The following FAM184B variants were observed in gnomAD, a reference collection of about 807,000 sequenced individuals.
The protein encoded by FAM184B is protein FAM184B.
Under a neutral mutation model 135.9 loss-of-function variants are expected in FAM184B, and 111 were observed. The ratio of observed to expected loss-of-function variants is 0.82; its 90% CI spans 0.70 to 0.96. The LOEUF is 0.96. Among genes scored for constraint, FAM184B ranks in the 40% least tolerant of loss-of-function variants. The pLI is 0.00. For synonymous variants in FAM184B, 552 were observed against 524.8 expected, an observed-to-expected ratio of 1.05 and a Z score of -0.71; for missense variants, 1,375 against 1,323.9, an observed-to-expected ratio of 1.04 and a Z score of -0.60.
At position 17,630,513 on chromosome 4, in the gene FAM184B, G is replaced by C. The variant is rs766789611; in HGVS notation, c.*2019C>G. 6.6e-6 allele frequency: 1 copy of C among 152,188 alleles called. No individual in the cohort carries two copies. The highest frequency in any genetic ancestry group is 1.5e-5 in the Non-Finnish European group (1 of 68,040). The allele number at this position is 152,188 out of a possible 1,614,324, so 9.4% of individuals were successfully genotyped here. The stretch of plus-strand genomic sequence containing the variant: ...CATATCTGCTGGTGCCTTGATCTTG[G>C]ACTTAGCCTCTAGGACTGTGAGTGA... On this transcript the variant is annotated 3_prime_UTR_variant, in exon 18 of 18. Coordinates refer to ENST00000265018, the MANE Select transcript of FAM184B (RefSeq NM_015688.2).
chr4:17,741,751 T>G (rs1718040453), intron 1 of FAM184B, among the ~76,000 whole-genome samples: 1 of 151,990 alleles, frequency 6.6e-6, no homozygotes, highest in Non-Finnish European at 1.5e-5. Flanking sequence ...GACATGGACA[T>G]AAACCCGGAG....
intron 1 of FAM184B, among the ~76,000 whole-genome samples, chr4:17,716,056 C>CCTCAGAAAGAGGCAT (rs1439965586): frequency 1.3e-5 from 2 of 152,102 alleles, no homozygotes; most frequent in African/African-American, 4.8e-5. Flanking sequence ...AATACAGGAG[C>CCTCAGAAAGAGGCAT]CTCAGAAAGA....
At chr4:17,641,470 T>A (rs1715309723) in intron 13 of FAM184B, among the ~76,000 whole-genome samples, 2 of 19,174 alleles carry the variant, frequency 1.0e-4, no homozygotes, top group Non-Finnish European at 2.5e-4. Context: ...TCTTTTTTTT[T>A]TTTTTTTTTT....
intron 5 of FAM184B, among the ~76,000 whole-genome samples, chr4:17,698,515 T>C (rs569603571): frequency 5.9e-4 from 90 of 152,310 alleles, no homozygotes; most frequent in African/African-American, 1.9e-3. Flanking sequence ...AAGTTAATTA[T>C]TTGGTATATA....
intron 1 of FAM184B, among the ~76,000 whole-genome samples, chr4:17,739,675 G>A (rs927682598): frequency 2.1e-5 from 3 of 144,526 alleles, no homozygotes; most frequent in East Asian, 2.1e-4. Flanking sequence ...CTGCCTCAGC[G>A]TCCTGACTAG....
At chr4:17,733,024 G>A (rs1180445288) in intron 1 of FAM184B, among the ~76,000 whole-genome samples, 1 of 152,134 alleles carries the variant, frequency 6.6e-6, no homozygotes, top group East Asian at 1.9e-4. Flanking sequence ...ATGCAAGGCT[G>A]GTTCAACATA....
chr4:17,703,888 G>T (rs1194107001), intron 5 of FAM184B, among the ~76,000 whole-genome samples: 1 of 148,912 alleles, frequency 6.7e-6, no homozygotes, highest in Non-Finnish European at 1.5e-5. Context: ...CCGAGATTGC[G>T]TCACTGCACT....
intron 1 of FAM184B, among the ~76,000 whole-genome samples, chr4:17,715,961 CAG>C (rs1717394175): frequency 6.6e-6 from 1 of 152,056 alleles, no homozygotes; most frequent in Non-Finnish European, 1.5e-5. Context: ...CCATTTCTGC[CAG>C]TAAGCCTGAA....
chr4:17,652,527 C>T (rs1188734342), intron 11 of FAM184B, among the ~76,000 whole-genome samples: 1 of 152,214 alleles, frequency 6.6e-6, no homozygotes, highest in African/African-American at 2.4e-5. Context: ...AGTAAGCCAT[C>T]CCAGGTTTCA....
rs529513958 is a variant in FAM184B at position 17,681,252 on chromosome 4, G to A, written c.1596+7172C>T. Among the ~76,000 whole-genome samples the A allele has an allele frequency of 7.2e-5, 11 of 152,324 alleles. No individual in the cohort carries two copies. The East Asian group carries it at 2.1e-3, about 29-fold the overall frequency. The stretch of plus-strand genomic sequence containing the variant: ...TCATAGGGTGGTTTGTGGACTGTGT[G>A]AAGTCCTATGGGTTTGCCATTATGA... On this transcript the variant is annotated intron_variant, in intron 7 of 17. Transcript: ENST00000265018.
intron 4 of FAM184B, 52 bp downstream of exon 4, chr4:17,705,700 A>T: frequency 6.5e-7 from 1 of 1,544,886 alleles, no homozygotes; most frequent in Non-Finnish European, 8.7e-7. Flanking sequence ...CTTATAATAG[A>T]TAGCAAAGCT....
Position 17,718,750 on chromosome 4 carries a change from G to A in FAM184B, c.142-9106C>T, listed in dbSNP as rs79756225. On this transcript the variant is annotated intron_variant, in intron 1 of 17. Transcript: ENST00000265018. ...CGGGTCCCAGAATGAGAGACACAGA[G>A]CAGGCTGGACCCCACCCCAGAGTGT... is the stretch of plus-strand genomic sequence containing the variant. Among the ~76,000 whole-genome samples, 1,158 of 152,358 alleles carry A rather than the reference G, an allele frequency of 7.6e-3. 14 individuals are homozygous for A. Among genetic ancestry groups the A allele is most frequent in the African/African-American group, 0.027 (1,104 of 41,580 alleles).
At chr4:17,652,689 T>C in intron 11 of FAM184B, 141 bp downstream of exon 11, 1 of 1,004,096 alleles carries the variant, frequency 1.0e-6, no homozygotes, top group Non-Finnish European at 1.4e-6. Flanking sequence ...CCTGGAGCCC[T>C]GGCCTGTGAG....
At chr4:17,683,201 C>T (rs1454718115) in intron 7 of FAM184B, among the ~76,000 whole-genome samples, 1 of 152,220 alleles carries the variant, frequency 6.6e-6, no homozygotes, top group African/African-American at 2.4e-5. Context: ...AGTTTTGTAA[C>T]TTGCTGTGTT....
At position 17,658,106 on chromosome 4, in the gene FAM184B, G is replaced by A. The variant is rs561199546; in HGVS notation, c.2037+244C>T. ...CAAGGTCGCAAGCAGGTGGGGAAACGTAGCACAAGAAGCCCAGCAGACCTA... is the reference window on the plus strand; with the variant it reads ...CAAGGTCGCAAGCAGGTGGGGAAACATAGCACAAGAAGCCCAGCAGACCTA... On this transcript the variant is annotated intron_variant, in intron 10 of 17. Coordinates refer to ENST00000265018, the MANE Select transcript of FAM184B (RefSeq NM_015688.2). 5.3e-5 allele frequency among the ~76,000 whole-genome samples: 8 copies of A among 152,308 alleles called. No homozygotes were observed. In the South Asian group the frequency reaches 6.2e-4, roughly 12 times the overall value.
chr4:17,696,846 A>G (rs1287179627), intron 5 of FAM184B, among the ~76,000 whole-genome samples: 37 of 150,646 alleles, frequency 2.5e-4, no homozygotes, highest in Non-Finnish European at 4.4e-4. Context: ...ATAAATAAAT[A>G]AATAAATAAA....
chr4:17,717,882 A>G (rs1354751728), intron 1 of FAM184B, among the ~76,000 whole-genome samples: 1 of 152,214 alleles, frequency 6.6e-6, no homozygotes, highest in African/African-American at 2.4e-5. Flanking sequence ...CAATTAATCT[A>G]TTTAGGTTGG....
At chr4:17,734,670 G>T (rs548173845) in intron 1 of FAM184B, among the ~76,000 whole-genome samples, 116 of 150,598 alleles carry the variant, frequency 7.7e-4, no homozygotes, top group African/African-American at 2.7e-3. Flanking sequence ...TCATTAAAAA[G>T]TCAGGAAACA....
At chr4:17,776,451 C>T (rs56671846) in intron 1 of FAM184B, among the ~76,000 whole-genome samples, 5,452 of 152,168 alleles carry the variant, frequency 0.036, 309 homozygotes, top group African/African-American at 0.12. Context: ...TGCAATGGCA[C>T]GATCTCAGCC....
Sources: allele counts gnomAD v4.1 joint callset (sites outside exome capture counted in the v4.1 genomes callset), GRCh38; gene constraint gnomAD v4.1.1; transcripts MANE v1.5; gene names NCBI Gene and HGNC (gene_info 2026-07-23, HGNC 2026-07-21).